Variants in APCDD1L observed in about 807,000 individuals in gnomAD.
APCDD1L encodes protein APCDD1-like.
A neutral mutation model predicts 24.2 loss-of-function variants in APCDD1L; 21 were observed. The ratio of observed to expected loss-of-function variants is 0.87; its 90% CI spans 0.61 to 1.25. The LOEUF (loss-of-function observed/expected upper bound fraction) is 1.25. APCDD1L is among the 50% of genes most tolerant of loss of function. The pLI is 0.00. For synonymous variants in APCDD1L, 321 were observed against 323.6 expected, an observed-to-expected ratio of 0.99 and a Z score of 0.09; for missense variants, 704 against 711.7, an observed-to-expected ratio of 0.99 and a Z score of 0.12.
In APCDD1L at chr20:58,461,264, C is replaced by G. The variant is rs747820055; in HGVS notation, c.1032G>C (p.Arg344Ser). ...GRYTRGTPST[R>S]VRGGTELVFE... is the part of the protein sequence containing the mutation. ...ACACCAGCTCGGTGCCGCCGCGGAC[C>G]CTGGTGGATGGCGTGCCCCTGGTGT... is the stretch of plus-strand genomic sequence containing the variant. The change falls in exon 4 of 4, where the codon AGG (arginine) becomes AGC (serine). Residue 344 changes from arginine (R) to serine (S), a missense_variant. Arg to Ser is a moderately radical substitution (Grantham distance 110, BLOSUM62 -1). Coordinates refer to ENST00000371149, the MANE Select transcript of APCDD1L (RefSeq NM_153360.3). The surrounding 1 kb of genome is among the most constrained non-coding windows in gnomAD (Gnocchi z 6.0). The G allele has an allele frequency of 6.2e-7, 1 of 1,613,264 alleles. No homozygotes were observed. The highest frequency in any genetic ancestry group is 8.5e-7 in the Non-Finnish European group (1 of 1,179,698).
chr20:58,464,329 G>A (rs1989669943), intron 3 of APCDD1L, among the ~76,000 whole-genome samples: 1 of 152,236 alleles, frequency 6.6e-6, no homozygotes, highest in Non-Finnish European at 1.5e-5. Flanking sequence ...TTTCTGCAGA[G>A]CAGAAACAAA....
intron 1 of APCDD1L, among the ~76,000 whole-genome samples, chr20:58,495,875 G>A (rs1990312270): frequency 6.6e-6 from 1 of 152,104 alleles, no homozygotes; most frequent in Non-Finnish European, 1.5e-5. Flanking sequence ...CATCAGCGGA[G>A]TGGGACCCAG....
chr20:58,476,141 A>G (rs573857041), intron 1 of APCDD1L, among the ~76,000 whole-genome samples: 10 of 152,330 alleles, frequency 6.6e-5, no homozygotes, highest in African/African-American at 2.4e-4. Flanking sequence ...CAGGTGACCC[A>G]ACTATCATTC....
intron 1 of APCDD1L, among the ~76,000 whole-genome samples, chr20:58,475,513 T>C (rs1351315465): frequency 6.6e-6 from 1 of 152,146 alleles, no homozygotes; most frequent in Non-Finnish European, 1.5e-5. Flanking sequence ...TCTTTTAATA[T>C]TTTAATAAAA....
In APCDD1L at chr20:58,467,654, C is replaced by A. The variant is rs758287480; in HGVS notation, c.193G>T (p.Glu65Ter). ...LNGPWISTGC[E>*]VRPGPEFLTR... ...AGGAACTCCGGTCCTGGGCGCACCT[C>A]GCAGCTGCAGGGGTGGAAGGAGATG... The change falls in exon 3 of 4, where the codon GAG becomes TAG. Residue 65 changes from glutamate (E) to a stop codon, truncating the protein, a stop_gained. Coordinates refer to ENST00000371149, the MANE Select transcript of APCDD1L (RefSeq NM_153360.3). LOFTEE classifies it high-confidence loss of function. This position sits in a 1 kb window ranked among gnomAD's most constrained non-coding sequence, Gnocchi z 5.9. 1.3e-6 allele frequency: 2 copies of A among 1,493,368 alleles called. No individual in the cohort carries two copies. Among genetic ancestry groups the A allele is most frequent in the South Asian group, 2.7e-5 (2 of 73,880 alleles). The allele number at this position is 1,493,368 out of a possible 1,614,324, so 92.5% of individuals were successfully genotyped here.
rs537818726 is a variant in APCDD1L, at chr20:58,471,906, T to C, written c.50-1159A>G. On this transcript the variant is annotated intron_variant, in intron 1 of 3. Coordinates refer to ENST00000371149, the MANE Select transcript of APCDD1L (RefSeq NM_153360.3). ...GTCAGGAGGGGCTGAGTCTTAGGGC[T>C]CCAGTCCAGGGGATGTGGGGGCCTG... Among the ~76,000 whole-genome samples the C allele has an allele frequency of 3.3e-5, 5 of 152,166 alleles. No homozygotes were observed. The East Asian group carries it at 9.7e-4, about 29-fold the overall frequency.
At chr20:58,493,040 C>T (rs543950620) in intron 1 of APCDD1L, among the ~76,000 whole-genome samples, 2 of 151,314 alleles carry the variant, frequency 1.3e-5, no homozygotes, top group East Asian at 2.0e-4. Context: ...CAAGCATACA[C>T]ACACATACAC....
At chr20:58,468,506 G>T (rs1187532478) in intron 2 of APCDD1L, among the ~76,000 whole-genome samples, 1 of 152,012 alleles carries the variant, frequency 6.6e-6, no homozygotes, top group African/African-American at 2.4e-5. Context: ...GAAGTCGGGG[G>T]AAAAATAGCA....
intron 1 of APCDD1L, among the ~76,000 whole-genome samples, chr20:58,473,321 C>T (rs66612480): frequency 0.056 from 8,589 of 152,026 alleles, 501 homozygotes; most frequent in East Asian, 0.22. Context: ...GTGTTTCTGC[C>T]GAGTGCATTT....
At chr20:58,481,775 C>T (rs765221839) in intron 1 of APCDD1L, among the ~76,000 whole-genome samples, 1 of 152,216 alleles carries the variant, frequency 6.6e-6, no homozygotes, top group Non-Finnish European at 1.5e-5. Context: ...CAGCCTCCCT[C>T]GTTCCACCCA....
At chr20:58,490,400 A>T (rs145993710) in intron 1 of APCDD1L, among the ~76,000 whole-genome samples, 1 of 152,352 alleles carries the variant, frequency 6.6e-6, no homozygotes, top group Non-Finnish European at 1.5e-5. Flanking sequence ...CCTTCACACC[A>T]TGACAGCGGA....
intron 1 of APCDD1L, among the ~76,000 whole-genome samples, chr20:58,472,072 C>T (rs976558977): frequency 6.6e-6 from 1 of 152,188 alleles, no homozygotes; most frequent in African/African-American, 2.4e-5. Flanking sequence ...CCACTGCCCC[C>T]GCGGAGCTGC....
intron 1 of APCDD1L, among the ~76,000 whole-genome samples, chr20:58,487,740 A>G (rs1377168375): frequency 2.0e-5 from 3 of 152,216 alleles, no homozygotes; most frequent in Non-Finnish European, 2.9e-5. Flanking sequence ...ACTCCACAAA[A>G]GGTCCAACCT....
intron 1 of APCDD1L, among the ~76,000 whole-genome samples, chr20:58,501,182 C>T (rs372495662): frequency 3.3e-5 from 5 of 152,340 alleles, no homozygotes; most frequent in African/African-American, 1.2e-4. Context: ...TCTACAGTGT[C>T]TACCTTTAAA....
At chr20:58,478,830 A>G (rs947354877) in intron 1 of APCDD1L, among the ~76,000 whole-genome samples, 3 of 151,986 alleles carry the variant, frequency 2.0e-5, no homozygotes, top group Non-Finnish European at 4.4e-5. Context: ...CAAAAGGGTG[A>G]TCAGTCAGGG....
At chr20:58,502,129 G>A (rs993460017) in intron 1 of APCDD1L, among the ~76,000 whole-genome samples, 4 of 152,082 alleles carry the variant, frequency 2.6e-5, no homozygotes. Flanking sequence ...TTGAGTCAGA[G>A]TCTCACTCTG....
rs150190868 is a variant in APCDD1L at position 58,460,996 on chromosome 20, C to A, written c.1300G>T (p.Asp434Tyr). The part of the protein sequence containing the change: ...SLLFIGQRPT[D>Y]GSSPDTPEKR... The stretch of plus-strand genomic sequence containing the variant: ...TCTGGGGTATCGGGACTTGAGCCAT[C>A]GGTGGGCCTTTGTCCGATGAAGAGC... The change falls in exon 4 of 4, where the codon GAT (aspartate) becomes TAT (tyrosine). Residue 434 changes from aspartate to tyrosine, a missense_variant. Coordinates refer to ENST00000371149, the MANE Select transcript of APCDD1L (RefSeq NM_153360.3). The surrounding 1 kb of genome is among the most constrained non-coding windows in gnomAD (Gnocchi z 4.2). The A allele has an allele frequency of 5.8e-4, 931 of 1,614,138 alleles. 10 individuals are homozygous for A. The highest frequency in any genetic ancestry group is 1.2e-4 in the Non-Finnish European group (146 of 1,179,998).
At chr20:58,511,959 C>T (rs1990636815) in intron 1 of APCDD1L, among the ~76,000 whole-genome samples, 1 of 152,160 alleles carries the variant, frequency 6.6e-6, no homozygotes, top group Admixed American at 6.5e-5. Flanking sequence ...TTTTCCCCCT[C>T]CAGCATAAAT....
rs1439826646 is a variant in APCDD1L at position 58,470,734 on chromosome 20, C to T, written c.63G>A (p.Pro21=). The change falls in exon 2 of 4, where the codon CCG becomes CCA. Residue 21 remains proline (P), a synonymous_variant. Transcript: ENST00000371149. ...AGCTGCCCCCGGCCTCCCCAGCCGCCGGTGCAGTGTGGGCTGCAAAGCAGA... is the reference window on the plus strand; with the variant it reads ...AGCTGCCCCCGGCCTCCCCAGCCGCTGGTGCAGTGTGGGCTGCAAAGCAGA... ...VLVLLGAHTA[P]AAGEAGGSCL... The T allele has an allele frequency of 1.0e-5, 16 of 1,538,540 alleles. No homozygotes were observed. The highest frequency in any genetic ancestry group is 3.6e-5 in the South Asian group (3 of 83,852).
Sources: allele counts gnomAD v4.1 joint callset (sites outside exome capture counted in the v4.1 genomes callset), GRCh38; gene constraint gnomAD v4.1.1; non-coding constraint Gnocchi (gnomAD v3.1); transcripts MANE v1.5; gene names NCBI Gene and HGNC (gene_info 2026-07-23, HGNC 2026-07-21).